The following TENM3 variants were observed in gnomAD, a reference collection of about 807,000 sequenced individuals.
TENM3 encodes teneurin-3.
In TENM3, 63 loss-of-function variants were observed where a neutral mutation model predicts 255.1. The observed-to-expected ratio is 0.25, with a 90% CI of 0.20 to 0.30. The LOEUF is 0.30. Ranked by LOEUF, TENM3 falls within the 10% of genes least tolerant of loss-of-function variation. The pLI is 1.00. For missense variants in TENM3, 2,929 were observed against 3,461.1 expected (o/e 0.85, Z 3.86); for synonymous variants, 1,306 against 1,322.3 (o/e 0.99, Z 0.27).
chr4:182,442,788 G>A (rs1219028675), intron 3 of TENM3, among the ~76,000 whole-genome samples: 2 of 142,574 alleles, frequency 1.4e-5, no homozygotes, highest in Admixed American at 6.9e-5. Context: ...GTGTACATAT[G>A]TGTGTGTGTG....
the TENM3 span, among the ~76,000 whole-genome samples, chr4:182,105,140 G>T: frequency 1.3e-5 from 2 of 152,108 alleles, no homozygotes; most frequent in Non-Finnish European, 2.9e-5. Flanking sequence ...TTGAGTCCAG[G>T]AAGTCCAGGC....
chr4:181,706,335 A>G, the TENM3 span, among the ~76,000 whole-genome samples: 1 of 152,164 alleles, frequency 6.6e-6, no homozygotes, highest in African/African-American at 2.4e-5. Flanking sequence ...TCTGAGATCC[A>G]GGGGCGGTGG....
the TENM3 span, among the ~76,000 whole-genome samples, chr4:182,066,897 C>A: frequency 2.0e-5 from 3 of 152,070 alleles, no homozygotes; most frequent in Non-Finnish European, 4.4e-5. Context: ...GGCGACAGAG[C>A]GAGACTCCAT....
the TENM3 span, among the ~76,000 whole-genome samples, chr4:181,854,207 A>C: frequency 1.3e-5 from 2 of 152,180 alleles, no homozygotes; most frequent in Non-Finnish European, 1.5e-5. Context: ...AATGTCTACA[A>C]TTTGTAGCCT....
intron 3 of TENM3, among the ~76,000 whole-genome samples, chr4:182,465,182 A>G (rs1470660351): frequency 6.6e-6 from 1 of 152,240 alleles, no homozygotes. Flanking sequence ...AGTAAAATAA[A>G]TATTTGCACT....
chr4:181,501,391 T>G, the TENM3 span, among the ~76,000 whole-genome samples: 1 of 151,808 alleles, frequency 6.6e-6, no homozygotes, highest in African/African-American at 2.4e-5. Flanking sequence ...TTTGTTTTTT[T>G]TTTTTAAGAT....
the TENM3 span, among the ~76,000 whole-genome samples, chr4:181,997,793 T>C: frequency 5.3e-5 from 8 of 152,200 alleles, no homozygotes; most frequent in Non-Finnish European, 7.3e-5. Flanking sequence ...TCCACAGAGA[T>C]TTAAGACTAA....
the TENM3 span, among the ~76,000 whole-genome samples, chr4:181,705,323 T>C: frequency 6.6e-6 from 1 of 152,170 alleles, no homozygotes; most frequent in African/African-American, 2.4e-5. Flanking sequence ...ATACAAGGCT[T>C]TAGGGAATAC....
chr4:182,279,631 A>C (rs548076337), intron 1 of TENM3, among the ~76,000 whole-genome samples: 38 of 152,342 alleles, frequency 2.5e-4, no homozygotes, highest in African/African-American at 7.7e-4. Context: ...GGTCATGCTC[A>C]TGAGCCATTT....
intron 3 of TENM3, among the ~76,000 whole-genome samples, chr4:182,421,589 G>C (rs1452624918): frequency 1.3e-5 from 2 of 152,152 alleles, no homozygotes; most frequent in Non-Finnish European, 2.9e-5. Context: ...CTATCTTCCT[G>C]TTTTGTGCAA....
chr4:182,161,859 A>ACACACATATG (rs1751328043), intron 1 of TENM3, among the ~76,000 whole-genome samples: 2 of 26,796 alleles, frequency 7.5e-5, no homozygotes, highest in African/African-American at 1.6e-4. Flanking sequence ...ACAAATATAT[A>ACACACATATG]TGTGTATATA....
chr4:181,605,616 A>AG, the TENM3 span, among the ~76,000 whole-genome samples: 2 of 114,074 alleles, frequency 1.8e-5, no homozygotes, highest in African/African-American at 5.6e-5. Context: ...AAAGAAAGAA[A>AG]AGAAAGAACA....
the TENM3 span, among the ~76,000 whole-genome samples, chr4:181,497,524 C>T: frequency 1.2e-3 from 183 of 152,110 alleles, no homozygotes; most frequent in African/African-American, 2.0e-3. Flanking sequence ...CACGTGTAAT[C>T]GATAAATCTT....
At chr4:182,485,506 C>T (rs1322711415) in intron 3 of TENM3, among the ~76,000 whole-genome samples, 1 of 152,086 alleles carries the variant, frequency 6.6e-6, no homozygotes, top group African/African-American at 2.4e-5. Flanking sequence ...ACATTTGTCT[C>T]ACATACTGTA....
chr4:181,622,262 C>A, the TENM3 span, among the ~76,000 whole-genome samples: 1 of 152,312 alleles, frequency 6.6e-6, no homozygotes, highest in Non-Finnish European at 1.5e-5. Context: ...GCCTCGTTTC[C>A]CTTTCCTCTC....
intron 22 of TENM3, among the ~76,000 whole-genome samples, chr4:182,764,753 T>C (rs564625948): frequency 2.8e-4 from 42 of 152,250 alleles, no homozygotes; most frequent in Admixed American, 6.5e-4. Flanking sequence ...CAAGTAGGGC[T>C]TGCACCGCTA....
chr4:181,560,698 T>G, the TENM3 span, among the ~76,000 whole-genome samples: 1 of 152,148 alleles, frequency 6.6e-6, no homozygotes, highest in Non-Finnish European at 1.5e-5. Context: ...CTACCTCAGT[T>G]TGTTAACAGC....
At chr4:182,101,458 C>T in the TENM3 span, among the ~76,000 whole-genome samples, 14 of 152,152 alleles carry the variant, frequency 9.2e-5, no homozygotes, top group Non-Finnish European at 2.1e-4. Context: ...CTCGCCCTCT[C>T]ACCATCTGAT....
the TENM3 span, among the ~76,000 whole-genome samples, chr4:181,466,499 C>T: frequency 2.6e-5 from 4 of 152,046 alleles, no homozygotes; most frequent in African/African-American, 4.8e-5. Flanking sequence ...CTACACTTTA[C>T]GGTAATTGGT....
Sources: allele counts gnomAD v4.1 joint callset (sites outside exome capture counted in the v4.1 genomes callset), GRCh38; gene constraint gnomAD v4.1.1; transcripts MANE v1.5; gene names NCBI Gene and HGNC (gene_info 2026-07-23, HGNC 2026-07-21).